NAALADL2: variants seen among roughly 807,000 people sequenced by gnomAD.
The protein encoded by NAALADL2 is N-acetylated alpha-linked acidic dipeptidase like 2, also known as inactive N-acetylated-alpha-linked acidic dipeptidase-like protein 2.
Under a neutral mutation model 87.2 loss-of-function variants are expected in NAALADL2, and 76 were observed. That is an observed-to-expected ratio of 0.87 (90% CI 0.72 to 1.05). The LOEUF is 1.05. Ranked by LOEUF, NAALADL2 falls within the 50% of genes least tolerant of loss-of-function variation. The pLI is 0.00. For synonymous variants in NAALADL2, 354 were observed against 331.0 expected, an observed-to-expected ratio of 1.07 and a Z score of -0.75; for missense variants, 1,089 against 945.8, an observed-to-expected ratio of 1.15 and a Z score of -1.99.
At chr3:174,515,180 A>G (rs955726574) in intron 1 of NAALADL2, among the ~76,000 whole-genome samples, 4 of 152,148 alleles carry the variant, frequency 2.6e-5, no homozygotes, top group African/African-American at 9.6e-5. Flanking sequence ...AGATGCATGT[A>G]TATAGGAGGA....
At chr3:174,830,838 G>T (rs1722593539) in intron 3 of NAALADL2, among the ~76,000 whole-genome samples, 3 of 152,096 alleles carry the variant, frequency 2.0e-5, no homozygotes, top group Non-Finnish European at 4.4e-5. Context: ...TTGTAAGTTG[G>T]ACTCCTAGGT....
chr3:175,593,481 G>A (rs1721820313), intron 10 of NAALADL2, among the ~76,000 whole-genome samples: 1 of 152,024 alleles, frequency 6.6e-6, no homozygotes, highest in Admixed American at 6.6e-5. Flanking sequence ...TTCGTTTCTT[G>A]GAGTTTCCAA....
Position 175,510,133 on chromosome 3 carries a change from A to G in NAALADL2, c.1653+38375A>G, listed in dbSNP as rs190432078. On this transcript the variant is annotated intron_variant, in intron 9 of 13. Coordinates refer to ENST00000454872, the MANE Select transcript of NAALADL2 (RefSeq NM_207015.3). ...TTTTTTCTTGCGATAGTTTACTGAG[A>G]ATGATGATGAGGCCAGCAAGGAGAA... Among the ~76,000 whole-genome samples the G allele has an allele frequency of 1.6e-3, 247 of 151,998 alleles. 1 individual carries two copies. Among genetic ancestry groups the G allele is most frequent in the Non-Finnish European group, 3.0e-3 (205 of 67,980 alleles).
At chr3:175,052,346 G>T (rs1394966216) in intron 1 of NAALADL2, among the ~76,000 whole-genome samples, 1 of 152,188 alleles carries the variant, frequency 6.6e-6, no homozygotes, top group Non-Finnish European at 1.5e-5. Flanking sequence ...TTTATTTATG[G>T]CAAGTTTTGG....
chr3:175,432,672 A>C (rs1717964522), intron 5 of NAALADL2, among the ~76,000 whole-genome samples: 1 of 151,974 alleles, frequency 6.6e-6, no homozygotes, highest in Non-Finnish European at 1.5e-5. Context: ...TATATGGAAA[A>C]ACCCTGTCAA....
intron 3 of NAALADL2, among the ~76,000 whole-genome samples, chr3:174,776,686 T>G (rs987383834): frequency 2.6e-5 from 4 of 152,130 alleles, no homozygotes; most frequent in Non-Finnish European, 5.9e-5. Context: ...TGCTTTTAGT[T>G]TTACTTATTG....
intron 1 of NAALADL2, among the ~76,000 whole-genome samples, chr3:174,885,241 C>T (rs539030067): frequency 8.0e-4 from 122 of 152,264 alleles, no homozygotes; most frequent in African/African-American, 1.7e-3. Context: ...GTCGGCCACT[C>T]GCATGATAAG....
chr3:175,808,989 A>G lies in NAALADL2; in HGVS notation c.*5786A>G, dbSNP rs1336034656. 1 of 151,966 alleles carries G rather than the reference A, an allele frequency of 6.6e-6. No individual in the cohort carries two copies. The highest frequency in any genetic ancestry group is 1.9e-4 in the East Asian group (1 of 5,172). 9.4% of individuals were successfully genotyped at this position (151,966 alleles called of 1,614,324 possible). ...TCAATATGTTACCACTCATATGGTC[A>G]TTACTTGGTAAGTGTTTTATATTTT... On this transcript the variant is annotated 3_prime_UTR_variant, in exon 14 of 14. Transcript: ENST00000454872.
At chr3:175,039,117 C>T (rs1753753025) in intron 1 of NAALADL2, among the ~76,000 whole-genome samples, 1 of 151,996 alleles carries the variant, frequency 6.6e-6, no homozygotes, top group African/African-American at 2.4e-5. Context: ...TGTTTTCTTT[C>T]CTTATCTCCT....
In NAALADL2 at chr3:175,423,028, A is replaced by AAT. The variant is rs71634273; in HGVS notation, c.1091-24178_1091-24177dup. Among the ~76,000 whole-genome samples, 604 of 111,236 alleles carry AAT rather than the reference A, an allele frequency of 5.4e-3. 11 individuals are homozygous for AAT. Among genetic ancestry groups the AAT allele is most frequent in the African/African-American group, 0.02 (482 of 24,400 alleles). The allele number at this position is 111,236 out of a possible 152,430, so 73.0% of individuals were successfully genotyped here. A position where few individuals can be genotyped will look rare whatever the true frequency, so the allele number is the denominator to read the frequency against. ...CTCCCAGGTCCTTAAGAAAAAAAAA[A>AAT]ATATATATATATATATATATATATT... On this transcript the variant is annotated intron_variant, in intron 5 of 13. Coordinates refer to ENST00000454872, the MANE Select transcript of NAALADL2 (RefSeq NM_207015.3).
intron 2 of NAALADL2, among the ~76,000 whole-genome samples, chr3:174,607,504 A>T (rs1406194326): frequency 6.7e-6 from 1 of 149,968 alleles, no homozygotes; most frequent in Non-Finnish European, 1.5e-5. Context: ...AAAAAAAGGC[A>T]GGGGTTGCAA....
intron 3 of NAALADL2, among the ~76,000 whole-genome samples, chr3:174,835,445 G>A (rs1269754022): frequency 1.3e-5 from 2 of 152,048 alleles, no homozygotes; most frequent in Admixed American, 1.3e-4. Context: ...ATTGGATTTA[G>A]CTATGATTTT....
chr3:175,476,487 CAG>C (rs1477423966), intron 9 of NAALADL2, among the ~76,000 whole-genome samples: 5 of 152,140 alleles, frequency 3.3e-5, no homozygotes, highest in Non-Finnish European at 7.4e-5. Context: ...CATTATATGA[CAG>C]TGGCAAAAAA....
intron 3 of NAALADL2, among the ~76,000 whole-genome samples, chr3:174,825,816 A>G (rs1239955502): frequency 6.6e-6 from 1 of 152,164 alleles, no homozygotes; most frequent in African/African-American, 2.4e-5. Flanking sequence ...TAACGAGGTC[A>G]GGAGATTGAG....
At chr3:174,647,861 T>C (rs867550343) in intron 2 of NAALADL2, among the ~76,000 whole-genome samples, 3 of 152,204 alleles carry the variant, frequency 2.0e-5, no homozygotes, top group South Asian at 2.1e-4. Context: ...CATCATATAG[T>C]GTTTGCTCAC....
intron 2 of NAALADL2, among the ~76,000 whole-genome samples, chr3:175,211,989 C>T (rs917697309): frequency 6.6e-6 from 1 of 151,530 alleles, no homozygotes; most frequent in African/African-American, 2.4e-5. Context: ...TTAAAAATAT[C>T]GTATTTTTTT....
At chr3:175,125,030 A>G (rs1726735840) in intron 2 of NAALADL2, among the ~76,000 whole-genome samples, 1 of 151,922 alleles carries the variant, frequency 6.6e-6, no homozygotes, top group African/African-American at 2.4e-5. Context: ...GTATAGAGTA[A>G]CACTTTCTAA....
intron 1 of NAALADL2, among the ~76,000 whole-genome samples, chr3:174,881,374 T>C (rs1293055028): frequency 6.6e-6 from 1 of 152,134 alleles, no homozygotes; most frequent in Admixed American, 6.6e-5. Flanking sequence ...GAAGATTATA[T>C]GGTACACAAA....
chr3:174,747,932 T>A (rs954704965), intron 3 of NAALADL2, among the ~76,000 whole-genome samples: 10 of 152,096 alleles, frequency 6.6e-5, no homozygotes, highest in African/African-American at 2.4e-4. Flanking sequence ...CAATGATGCA[T>A]TGGATGAAGA....
Sources: allele counts gnomAD v4.1 joint callset (sites outside exome capture counted in the v4.1 genomes callset), GRCh38; gene constraint gnomAD v4.1.1; transcripts MANE v1.5; gene names NCBI Gene and HGNC (gene_info 2026-07-23, HGNC 2026-07-21).